The following EFCAB6 variants were observed in gnomAD, a reference collection of about 807,000 sequenced individuals.
The protein encoded by EFCAB6 is EF-hand calcium binding domain 6.
In EFCAB6, 156 loss-of-function variants were observed where a neutral mutation model predicts 169.8. The ratio of observed to expected loss-of-function variants is 0.92; its 90% confidence interval spans 0.81 to 1.05. The LOEUF (loss-of-function observed/expected upper bound fraction) is 1.05, where lower values mean the gene tolerates loss of function less well. Among genes scored for constraint, EFCAB6 ranks in the 50% least tolerant of loss-of-function variants. The pLI is 0.00. For synonymous variants in EFCAB6, 698 were observed against 676.4 expected (o/e 1.03, Z -0.50); for missense variants, 1,800 against 1,829.1 (o/e 0.98, Z 0.29).
intron 23 of EFCAB6, among the ~76,000 whole-genome samples, chr22:43,599,355 C>T (rs1040080207): frequency 7.3e-5 from 11 of 151,694 alleles, no homozygotes; most frequent in South Asian, 4.2e-4. Flanking sequence ...ACTAAAAATA[C>T]AAAAATTAGC....
intron 24 of EFCAB6, among the ~76,000 whole-genome samples, chr22:43,585,529 G>A (rs1043080174): frequency 1.3e-5 from 2 of 152,104 alleles, no homozygotes; most frequent in African/African-American, 4.8e-5. Context: ...GAAAGAGAAA[G>A]AGAAATAAGC....
At chr22:43,567,605 C>G (rs551678647) in intron 26 of EFCAB6, among the ~76,000 whole-genome samples, 2 of 152,100 alleles carry the variant, frequency 1.3e-5, no homozygotes, top group Non-Finnish European at 2.9e-5. Context: ...AGGAAGGGAG[C>G]GGGGAGCATG....
intron 6 of EFCAB6, among the ~76,000 whole-genome samples, chr22:43,749,602 G>A (rs1021981772): frequency 1.3e-5 from 2 of 152,118 alleles, no homozygotes; most frequent in African/African-American, 2.4e-5. Flanking sequence ...AGCTAATGCC[G>A]CTGCTGATCT....
At chr22:43,652,354 G>A (rs763022602) in intron 17 of EFCAB6, among the ~76,000 whole-genome samples, 3 of 152,002 alleles carry the variant, frequency 2.0e-5, no homozygotes, top group Non-Finnish European at 4.4e-5. Context: ...GTTCCTCCTC[G>A]CCTTCCACCA....
chr22:43,741,708 G>A (rs776277612), intron 6 of EFCAB6, among the ~76,000 whole-genome samples: 12 of 152,276 alleles, frequency 7.9e-5, no homozygotes, highest in Non-Finnish European at 1.3e-4. Flanking sequence ...ATTCGCAGCC[G>A]TGTCTGCGGC....
chr22:43,637,378 G>C (rs559916143), intron 17 of EFCAB6, among the ~76,000 whole-genome samples: 2 of 152,346 alleles, frequency 1.3e-5, no homozygotes, highest in East Asian at 3.9e-4. Context: ...TTGGTATTCG[G>C]GAAGAGGACC....
chr22:43,638,100 A>C (rs1014498202), intron 17 of EFCAB6, among the ~76,000 whole-genome samples: 1 of 152,120 alleles, frequency 6.6e-6, no homozygotes, highest in Non-Finnish European at 1.5e-5. Context: ...AGAGAACACA[A>C]ACGCTGCAAG....
Position 43,635,159 on chromosome 22 carries a change from T to C in EFCAB6, c.2041A>G (p.Lys681Glu). Reference protein sequence around the residue: ...DDDQYALLTTKIGFEKEGMSY... With the variant: ...DDDQYALLTTEIGFEKEGMSY... ...ATCCCTTCCTTCTCGAAGCCTATTT[T>C]AGTGGTCAGCAGGGCATACTGATCA... The change falls in exon 18 of 32, where the codon AAA (lysine) becomes GAA (glutamate). Residue 681 changes from lysine (K) to glutamate (E), a missense_variant. By Grantham distance (56) the Lys-to-Glu change is moderately conservative (BLOSUM62 1). Transcript: ENST00000262726. 1 of 1,614,132 alleles carries C rather than the reference T, an allele frequency of 6.2e-7. No homozygotes were observed. Among genetic ancestry groups the C allele is most frequent in the Non-Finnish European group, 8.5e-7 (1 of 1,180,022 alleles).
chr22:43,653,448 T>C (rs1021851145), intron 17 of EFCAB6, among the ~76,000 whole-genome samples: 2 of 152,236 alleles, frequency 1.3e-5, no homozygotes, highest in Non-Finnish European at 2.9e-5. Flanking sequence ...CAACCTAGAA[T>C]GTTTTTCCCA....
intron 24 of EFCAB6, among the ~76,000 whole-genome samples, chr22:43,587,368 A>G (rs557918550): frequency 1.3e-5 from 2 of 152,356 alleles, no homozygotes; most frequent in South Asian, 4.1e-4. Flanking sequence ...AAAATAGTAC[A>G]TACCTGGTGG....
In EFCAB6 at chr22:43,773,082, G is replaced by A. The variant is rs376790303; in HGVS notation, c.161C>T (p.Thr54Ile). 4 of 1,614,218 alleles carry A rather than the reference G, an allele frequency of 2.5e-6. No individual in the cohort carries two copies. The highest frequency in any genetic ancestry group is 1.6e-4 in the Middle Eastern group (1 of 6,062). ...CCGTTTAACATCTAAGGAGGACAGT[G>A]TTGGATTTGCAACAGCTGTGGCTAT... Reference protein sequence around the residue: ...SSSTTAVANPTLSSLDVKRIL... With the variant: ...SSSTTAVANPILSSLDVKRIL... The change falls in exon 4 of 32, where the codon ACA becomes ATA. Residue 54 changes from threonine (T) to isoleucine (I), a missense_variant. Coordinates refer to ENST00000262726, the MANE Select transcript of EFCAB6 (RefSeq NM_022785.4).
chr22:43,605,733 A>T (rs928687777), intron 22 of EFCAB6, among the ~76,000 whole-genome samples: 1 of 152,186 alleles, frequency 6.6e-6, no homozygotes, highest in Non-Finnish European at 1.5e-5. Flanking sequence ...ATTGAATACC[A>T]CCGAGCTGTG....
chr22:43,684,638 C>T (rs1485501003), intron 11 of EFCAB6, among the ~76,000 whole-genome samples: 1 of 152,210 alleles, frequency 6.6e-6, no homozygotes, highest in African/African-American at 2.4e-5. Flanking sequence ...GTCTATACAG[C>T]CATCTTAGCT....
chr22:43,687,854 A>G (rs1284765785), intron 10 of EFCAB6, among the ~76,000 whole-genome samples: 1 of 152,212 alleles, frequency 6.6e-6, no homozygotes, highest in Admixed American at 6.5e-5. Flanking sequence ...TTAAAATAAT[A>G]ATGTCCATAA....
intron 26 of EFCAB6, among the ~76,000 whole-genome samples, chr22:43,556,611 G>A (rs553355735): frequency 2.6e-5 from 4 of 152,228 alleles, no homozygotes; most frequent in South Asian, 4.1e-4. Flanking sequence ...TAAGCAGCTC[G>A]ACAGCAATGT....
intron 27 of EFCAB6, among the ~76,000 whole-genome samples, chr22:43,547,817 C>A (rs958076966): frequency 2.1e-5 from 3 of 144,742 alleles, no homozygotes; most frequent in African/African-American, 7.7e-5. Flanking sequence ...AAAGGCTGGG[C>A]GTGGTGGCTC....
chr22:43,704,591 TAA>T (rs1300365501), intron 10 of EFCAB6, among the ~76,000 whole-genome samples: 3 of 152,064 alleles, frequency 2.0e-5, no homozygotes, highest in East Asian at 1.9e-4. Flanking sequence ...AAGAAATATA[TAA>T]GATTATGTAA....
intron 17 of EFCAB6, among the ~76,000 whole-genome samples, chr22:43,662,941 A>C (rs542948079): frequency 6.6e-6 from 1 of 152,342 alleles, no homozygotes; most frequent in Non-Finnish European, 1.5e-5. Flanking sequence ...ATTCAAGTCC[A>C]AGTTCTTGAA....
At chr22:43,610,248 T>G (rs1312404053) in intron 21 of EFCAB6, among the ~76,000 whole-genome samples, 1 of 152,150 alleles carries the variant, frequency 6.6e-6, no homozygotes, top group African/African-American at 2.4e-5. Flanking sequence ...TGAGAGATGA[T>G]AGTTGCACCA....
Sources: allele counts gnomAD v4.1 joint callset (sites outside exome capture counted in the v4.1 genomes callset), GRCh38; gene constraint gnomAD v4.1.1; transcripts MANE v1.5; gene names NCBI Gene and HGNC (gene_info 2026-07-23, HGNC 2026-07-21).